Variants in PATJ observed in about 807,000 individuals in gnomAD.
PATJ encodes the protein inaD-like protein.
PATJ carries 190 observed loss-of-function variants against 224.9 expected under a neutral mutation model. That is an observed-to-expected ratio of 0.84 (90% CI 0.75 to 0.95). The LOEUF is 0.95. Among genes scored for constraint, PATJ ranks in the 40% least tolerant of loss-of-function variants. PATJ has a pLI of 0.00. For synonymous variants in PATJ, 769 were observed against 820.3 expected, an observed-to-expected ratio of 0.94 and a Z score of 1.07; for missense variants, 2,121 against 2,270.3, an observed-to-expected ratio of 0.93 and a Z score of 1.34.
At chr1:61,868,743 T>C (rs972783896) in intron 20 of PATJ, among the ~76,000 whole-genome samples, 28 of 151,996 alleles carry the variant, frequency 1.8e-4, no homozygotes, top group African/African-American at 5.5e-4. Flanking sequence ...GAACTGAGAT[T>C]GCGCCACTGC....
In PATJ at chr1:61,911,087, G is replaced by A. The variant is rs540531890; in HGVS notation, c.3492+2605G>A. 7.2e-5 allele frequency among the ~76,000 whole-genome samples: 11 copies of A among 152,248 alleles called. No individual in the cohort carries two copies. In the South Asian group the frequency reaches 2.3e-3, roughly 32 times the overall value. ...TGCCCATCAAAGGTGATGTCTAAAA[G>A]TACCTTGGTCACATAAACATTCTCC... On this transcript the variant is annotated intron_variant, in intron 25 of 43. Transcript: ENST00000642238.
chr1:61,917,694 G>T (rs1488648168), intron 26 of PATJ, among the ~76,000 whole-genome samples: 1 of 152,000 alleles, frequency 6.6e-6, no homozygotes, highest in East Asian at 1.9e-4. Flanking sequence ...CTTTGGTTAT[G>T]GTAAACTACT....
rs758446269 is a variant in PATJ, at chr1:61,801,690, T to C, written c.1470T>C (p.Asn490=). The change falls in exon 12 of 44, where the codon AAT becomes AAC. Residue 490 remains asparagine (N), a synonymous_variant. Coordinates refer to ENST00000642238, the MANE Select transcript of PATJ (RefSeq NM_001350145.3). ...CTGGAGCAGTGGAAACTGAAACTAA[T>C]GTGGATGGTGAAGATGAGGAAATTA... ...FLTGAVETET[N]VDGEDEEIKE... 1.9e-6 allele frequency: 3 copies of C among 1,600,934 alleles called. No homozygotes were observed. The highest frequency in any genetic ancestry group is 2.7e-5 in the African/African-American group (2 of 74,710).
At chr1:62,092,239 G>C (rs142237360) in intron 33 of PATJ, among the ~76,000 whole-genome samples, 1 of 151,874 alleles carries the variant, frequency 6.6e-6, no homozygotes, top group Admixed American at 6.6e-5. Context: ...AATTAGCTGA[G>C]CATGGTGGCA....
At position 62,026,763 on chromosome 1, in the gene PATJ, A is replaced by G. The variant is rs188316459; in HGVS notation, c.3959+8816A>G. Among the ~76,000 whole-genome samples the G allele has an allele frequency of 9.2e-5, 14 of 152,334 alleles. No individual in the cohort carries two copies. In the East Asian group the frequency reaches 1.7e-3, roughly 19 times the overall value. ...TTCTAAATAATTCAAACATATTTTC[A>G]TCACACTTTCACTTCTTTTCTTGCT... On this transcript the variant is annotated intron_variant, in intron 29 of 43. Transcript: ENST00000642238.
intron 30 of PATJ, chr1:62,038,866 A>G (rs1328527231): frequency 3.9e-6 from 3 of 772,644 alleles, no homozygotes; most frequent in African/African-American, 1.7e-5. Context: ...GGAGCAGCGC[A>G]TAGAAGATAC....
chr1:62,062,911 C>T (rs1201638877), intron 31 of PATJ, among the ~76,000 whole-genome samples: 2 of 151,960 alleles, frequency 1.3e-5, no homozygotes, highest in African/African-American at 4.8e-5. Flanking sequence ...GATATTAGAC[C>T]TTTGTTGGAT....
intron 27 of PATJ, among the ~76,000 whole-genome samples, chr1:61,967,406 A>T (rs1412382896): frequency 6.6e-6 from 1 of 152,250 alleles, no homozygotes; most frequent in African/African-American, 2.4e-5. Context: ...TCAAGGAAAG[A>T]TACCTTTCAG....
intron 27 of PATJ, among the ~76,000 whole-genome samples, chr1:61,960,982 A>G (rs1373453310): frequency 1.3e-5 from 2 of 152,216 alleles, no homozygotes; most frequent in African/African-American, 4.8e-5. Context: ...GTCCATTTTA[A>G]TAATGGAGAC....
At chr1:61,911,306 C>T (rs1418482577) in intron 25 of PATJ, among the ~76,000 whole-genome samples, 1 of 152,122 alleles carries the variant, frequency 6.6e-6, no homozygotes, top group Non-Finnish European at 1.5e-5. Context: ...CTCCGCCACC[C>T]GGATTCAAGT....
intron 24 of PATJ, among the ~76,000 whole-genome samples, chr1:61,907,166 T>C (rs1671972987): frequency 6.6e-6 from 1 of 152,096 alleles, no homozygotes; most frequent in African/African-American, 2.4e-5. Context: ...TACAGAACCA[T>C]GAGATAATTA....
In PATJ at chr1:61,861,714, A is replaced by C. The variant is rs554990769; in HGVS notation, c.2439+47A>C. The C allele has an allele frequency of 6.3e-6, 5 of 791,478 alleles. No individual in the cohort carries two copies. The Admixed American group carries it at 1.2e-4, about 19-fold the overall frequency. The allele number at this position is 791,478 out of a possible 1,614,324, so 49.0% of individuals were successfully genotyped here. A position where few individuals can be genotyped will look rare whatever the true frequency, so the allele number is the denominator to read the frequency against. The stretch of plus-strand genomic sequence containing the variant: ...CATTTGAATGATTTGCTATGAGCTA[A>C]AATTTCTATGTAGAAAGAATAAAAA... On this transcript the variant is annotated intron_variant, in intron 19 of 43. Transcript: ENST00000642238.
chr1:62,042,009 A>AAAT (rs1005863691), intron 30 of PATJ, among the ~76,000 whole-genome samples: 1 of 152,014 alleles, frequency 6.6e-6, no homozygotes, highest in Non-Finnish European at 1.5e-5. Flanking sequence ...GTAAATAAAT[A>AAAT]AATAATAATA....
chr1:61,833,438 C>A, intron 16 of PATJ: 1 of 375,282 alleles, frequency 2.7e-6, no homozygotes. Flanking sequence ...ACTGTATGAA[C>A]AGTCTGAATT....
At position 61,827,549 on chromosome 1, in the gene PATJ, C is replaced by T. The variant is rs2148754108; in HGVS notation, c.1946C>T (p.Pro649Leu). Residue 649 changes from proline to leucine, a missense_variant, in exon 16 of 44, where the codon CCA (proline) becomes CTA (leucine). Pro to Leu is a moderately conservative substitution (Grantham distance 98). Transcript: ENST00000642238. ...GATGATGAAGCTTCTGTAGATGAAC[C>T]AAGGCGCACTGAAACCTCTCTTCCT... Reference protein sequence around the residue: ...LFDDEASVDEPRRTETSLPET... With the variant: ...LFDDEASVDELRRTETSLPET... The T allele has an allele frequency of 1.2e-6, 2 of 1,613,904 alleles. No individual in the cohort carries two copies. Among genetic ancestry groups the T allele is most frequent in the African/African-American group, 1.3e-5 (1 of 75,000 alleles).
chr1:61,939,295 A>G (rs1677392009), intron 27 of PATJ, among the ~76,000 whole-genome samples: 1 of 149,344 alleles, frequency 6.7e-6, no homozygotes, highest in Non-Finnish European at 1.5e-5. Context: ...GTTTTCTTAC[A>G]TAAAAATTAA....
intron 29 of PATJ, among the ~76,000 whole-genome samples, chr1:62,028,804 A>G (rs532307029): frequency 3.3e-5 from 5 of 151,938 alleles, no homozygotes; most frequent in Admixed American, 6.6e-5. Context: ...AAAAGAAAAG[A>G]AAAGCCAGAA....
At chr1:62,011,970 C>T (rs113696212) in intron 28 of PATJ, among the ~76,000 whole-genome samples, 5,749 of 150,940 alleles carry the variant, frequency 0.038, 281 homozygotes, top group African/African-American at 0.11. Context: ...GAGGCTGTAG[C>T]GAGCCATGTG....
At chr1:61,962,216 C>T (rs7512525) in intron 27 of PATJ, among the ~76,000 whole-genome samples, 60,396 of 151,910 alleles carry the variant, frequency 0.4, 13,614 homozygotes, top group East Asian at 0.79. Flanking sequence ...TTTATAGCCT[C>T]ATGAGAATAG....
Sources: allele counts gnomAD v4.1 joint callset (sites outside exome capture counted in the v4.1 genomes callset), GRCh38; gene constraint gnomAD v4.1.1; transcripts MANE v1.5; gene names NCBI Gene and HGNC (gene_info 2026-07-23, HGNC 2026-07-21).